The following KCNMA1 variants were observed in gnomAD, a reference collection of about 807,000 sequenced individuals.
The protein encoded by KCNMA1 is potassium calcium-activated channel subfamily M alpha 1, also known as Calcium-activated potassium channel subunit alpha-1.
Under a neutral mutation model 140.0 loss-of-function variants are expected in KCNMA1, and 29 were observed. That is an observed-to-expected ratio of 0.21 (90% CI 0.15 to 0.28). KCNMA1 has a LOEUF of 0.28. KCNMA1 is among the 10% of genes least tolerant of loss of function. KCNMA1 has a pLI of 1.00. For synonymous variants in KCNMA1, 612 were observed against 611.9 expected (o/e 1.00, Z 0.00); for missense variants, 880 against 1,602.2 (o/e 0.55, Z 7.70).
chr10:76,888,538 T>C (rs923711439), intron 27 of KCNMA1, among the ~76,000 whole-genome samples: 11 of 152,176 alleles, frequency 7.2e-5, no homozygotes, highest in Non-Finnish European at 1.3e-4. Context: ...CTAGGGTATA[T>C]TATGCAAACT....
intron 1 of KCNMA1, among the ~76,000 whole-genome samples, chr10:77,417,360 C>T (rs755643459): frequency 6.6e-6 from 1 of 152,178 alleles, no homozygotes; most frequent in Non-Finnish European, 1.5e-5. Flanking sequence ...ATGTGCTTAA[C>T]AGACACGTAC....
At chr10:77,599,567 A>G (rs981169139) in intron 1 of KCNMA1, among the ~76,000 whole-genome samples, 2 of 152,182 alleles carry the variant, frequency 1.3e-5, no homozygotes, top group African/African-American at 2.4e-5. Context: ...ATGTCTATCT[A>G]TCAGGAATAA....
chr10:76,903,733 G>A (rs1265806828), intron 25 of KCNMA1: 5 of 152,332 alleles, frequency 3.3e-5, no homozygotes. Flanking sequence ...GAGAACTCAG[G>A]CCTCTCCATA....
At chr10:77,102,633 G>C (rs1168751808) in intron 9 of KCNMA1, among the ~76,000 whole-genome samples, 1 of 152,164 alleles carries the variant, frequency 6.6e-6, no homozygotes, top group East Asian at 1.9e-4. Context: ...GCATAACCTG[G>C]ATTTTAAAAG....
At chr10:77,408,392 G>A (rs1566649353) in intron 1 of KCNMA1, among the ~76,000 whole-genome samples, 1 of 143,990 alleles carries the variant, frequency 6.9e-6, no homozygotes, top group African/African-American at 2.7e-5. Context: ...GCTCACACAT[G>A]TGTGTGTGCA....
intron 23 of KCNMA1, among the ~76,000 whole-genome samples, chr10:76,937,180 T>G (rs749559416): frequency 6.6e-6 from 1 of 152,200 alleles, no homozygotes; most frequent in African/African-American, 2.4e-5. Flanking sequence ...ATCTTCCTTA[T>G]GTTGGGCTAA....
rs145569231 is a variant in KCNMA1, at chr10:77,339,252, C to G, written c.540+64610G>C. On this transcript the variant is annotated intron_variant, in intron 2 of 27. Transcript: ENST00000286628. Reference sequence around the variant, plus strand: ...ATCACTTGTCTCTTATATTTCCTCTCTTGTGTCTCTTCCAAATCAATAAAG... The same window carrying G: ...ATCACTTGTCTCTTATATTTCCTCTGTTGTGTCTCTTCCAAATCAATAAAG... 1.2e-4 allele frequency among the ~76,000 whole-genome samples: 19 copies of G among 152,200 alleles called. No homozygotes were observed. The East Asian group carries it at 3.7e-3, about 29-fold the overall frequency.
At chr10:77,174,644 C>T (rs1462158097) in intron 5 of KCNMA1, among the ~76,000 whole-genome samples, 1 of 152,150 alleles carries the variant, frequency 6.6e-6, no homozygotes, top group Non-Finnish European at 1.5e-5. Context: ...GTGGTTTTGG[C>T]CATTTTTAAG....
chr10:77,589,097 A>G (rs2078191979), intron 1 of KCNMA1, among the ~76,000 whole-genome samples: 1 of 152,240 alleles, frequency 6.6e-6, no homozygotes, highest in East Asian at 1.9e-4. Context: ...TTTATTTACA[A>G]AACATGCAGT....
At chr10:77,430,731 G>A (rs1301417541) in intron 1 of KCNMA1, among the ~76,000 whole-genome samples, 2 of 152,216 alleles carry the variant, frequency 1.3e-5, no homozygotes, top group Non-Finnish European at 2.9e-5. Context: ...TCATGTCCAT[G>A]CACCTGCTAA....
chr10:77,380,745 C>A (rs2154428344), intron 2 of KCNMA1, among the ~76,000 whole-genome samples: 1 of 152,296 alleles, frequency 6.6e-6, no homozygotes, highest in African/African-American at 2.4e-5. Flanking sequence ...GCCATCCCTT[C>A]CCCTGAAAAA....
chr10:77,082,007 C>CTTTTTTTTTTT (rs201288668), intron 12 of KCNMA1, among the ~76,000 whole-genome samples: 32 of 32,488 alleles, frequency 9.8e-4, no homozygotes, highest in Middle Eastern at 0.023. Flanking sequence ...TTTTTCTTTT[C>CTTTTTTTTTTT]TTTTTTTTTT....
At chr10:76,921,399 G>A (rs2055718591) in intron 23 of KCNMA1, among the ~76,000 whole-genome samples, 1 of 152,068 alleles carries the variant, frequency 6.6e-6, no homozygotes, top group South Asian at 2.1e-4. Context: ...AACCTCAAAG[G>A]CAAATGTCAG....
intron 5 of KCNMA1, among the ~76,000 whole-genome samples, chr10:77,129,847 G>A (rs2097820654): frequency 6.6e-6 from 1 of 152,116 alleles, no homozygotes; most frequent in Non-Finnish European, 1.5e-5. Context: ...ACCTCAGTGA[G>A]AGGGATGACT....
intron 1 of KCNMA1, among the ~76,000 whole-genome samples, chr10:77,495,989 G>A (rs2041785483): frequency 2.0e-5 from 3 of 152,174 alleles, no homozygotes; most frequent in South Asian, 4.1e-4. Context: ...TCTGCCAAAG[G>A]TTCTGGGCAG....
intron 3 of KCNMA1, among the ~76,000 whole-genome samples, chr10:77,204,389 G>A (rs1416299628): frequency 6.6e-6 from 1 of 152,116 alleles, no homozygotes; most frequent in Non-Finnish European, 1.5e-5. Context: ...TTCCACAGGA[G>A]AGTCTCCCCG....
chr10:77,349,830 T>G (rs16934646), intron 2 of KCNMA1, among the ~76,000 whole-genome samples: 1 of 152,210 alleles, frequency 6.6e-6, no homozygotes, highest in Non-Finnish European at 1.5e-5. Context: ...AACTTTTTGT[T>G]GTCCATTTTT....
chr10:77,622,854 G>A (rs567679134), intron 1 of KCNMA1, among the ~76,000 whole-genome samples: 2 of 152,214 alleles, frequency 1.3e-5, no homozygotes, highest in East Asian at 3.9e-4. Flanking sequence ...GTACCAATAA[G>A]TCTGAAAATA....
intron 3 of KCNMA1, among the ~76,000 whole-genome samples, chr10:77,186,432 G>A (rs140028017): frequency 3.2e-4 from 48 of 151,836 alleles, no homozygotes; most frequent in African/African-American, 1.1e-3. Flanking sequence ...TGGGTAGAAA[G>A]ACAGCATGGA....
Sources: allele counts gnomAD v4.1 joint callset (sites outside exome capture counted in the v4.1 genomes callset), GRCh38; gene constraint gnomAD v4.1.1; transcripts MANE v1.5; gene names NCBI Gene and HGNC (gene_info 2026-07-23, HGNC 2026-07-21).